SOX5: variants seen among roughly 807,000 people sequenced by gnomAD.
The protein encoded by SOX5 is transcription factor SOX-5.
Under a neutral mutation model 92.0 loss-of-function variants are expected in SOX5, and 9 were observed. That is an observed-to-expected ratio of 0.10 (90% confidence interval 0.06 to 0.17). The LOEUF (loss-of-function observed/expected upper bound fraction) is 0.17, where lower values mean the gene tolerates loss of function less well. SOX5 is among the 10% of genes least tolerant of loss of function. The pLI is 1.00. For synonymous variants in SOX5, 344 were observed against 336.3 expected (o/e 1.02, Z -0.25); for missense variants, 642 against 944.5 (o/e 0.68, Z 4.20).
At chr12:24,112,961 C>T (rs2138178691) in intron 4 of SOX5, among the ~76,000 whole-genome samples, 1 of 151,810 alleles carries the variant, frequency 6.6e-6, no homozygotes, top group East Asian at 1.9e-4. Context: ...AGACTGAAAG[C>T]CATAAAATAT....
At chr12:24,134,101 G>A (rs548556349) in intron 4 of SOX5, among the ~76,000 whole-genome samples, 2 of 152,034 alleles carry the variant, frequency 1.3e-5, no homozygotes, top group Middle Eastern at 3.4e-3. Flanking sequence ...TAAACATTCT[G>A]GTTGCAGACA....
At chr12:24,280,154 T>C (rs1351981209) in intron 2 of SOX5, among the ~76,000 whole-genome samples, 1 of 152,164 alleles carries the variant, frequency 6.6e-6, no homozygotes, top group Non-Finnish European at 1.5e-5. Context: ...CACCCTCTAC[T>C]TTAAAAAGGA....
At chr12:24,069,810 T>C (rs1232107252) in intron 4 of SOX5, among the ~76,000 whole-genome samples, 1 of 152,210 alleles carries the variant, frequency 6.6e-6, no homozygotes, top group Non-Finnish European at 1.5e-5. Context: ...ATGGTCCCCA[T>C]AGGCTATTTA....
intron 9 of SOX5, among the ~76,000 whole-genome samples, chr12:23,576,299 G>C (rs1057032347): frequency 5.3e-5 from 8 of 152,098 alleles, no homozygotes; most frequent in Non-Finnish European, 1.0e-4. Context: ...AGATAGTTGT[G>C]TGCCTCTGAT....
At chr12:24,174,617 T>A (rs1334830264) in intron 4 of SOX5, among the ~76,000 whole-genome samples, 1 of 151,406 alleles carries the variant, frequency 6.6e-6, no homozygotes, top group Non-Finnish European at 1.5e-5. Flanking sequence ...AGGTCAGGAG[T>A]TTGAGACCAG....
At chr12:24,238,345 C>A (rs1441507120) in intron 3 of SOX5, among the ~76,000 whole-genome samples, 1 of 152,226 alleles carries the variant, frequency 6.6e-6, no homozygotes, top group South Asian at 2.1e-4. Context: ...GCACTAGGCA[C>A]TTCACAAGAG....
intron 6 of SOX5, among the ~76,000 whole-genome samples, chr12:23,676,850 CCA>C (rs1467435014): frequency 1.3e-5 from 2 of 152,142 alleles, no homozygotes; most frequent in African/African-American, 4.8e-5. Flanking sequence ...TACAACTATA[CCA>C]TTAGGTTGAC....
intron 1 of SOX5, among the ~76,000 whole-genome samples, chr12:23,943,923 C>CA (rs1186511502): frequency 6.6e-6 from 1 of 151,878 alleles, no homozygotes; most frequent in African/African-American, 2.4e-5. Context: ...ACAAAAGAAA[C>CA]AAAAAACGCA....
At chr12:23,821,482 A>C (rs1381236776) in intron 3 of SOX5, among the ~76,000 whole-genome samples, 1 of 152,200 alleles carries the variant, frequency 6.6e-6, no homozygotes, top group Non-Finnish European at 1.5e-5. Context: ...GTGGAGAGAG[A>C]GGGCATCCTT....
At chr12:23,662,608 G>T (rs2083210954) in intron 7 of SOX5, among the ~76,000 whole-genome samples, 1 of 152,030 alleles carries the variant, frequency 6.6e-6, no homozygotes. Context: ...AAGAAAAAAC[G>T]ATCTTTATGT....
chr12:23,711,346 T>C lies in SOX5; in HGVS notation c.810+23338A>G, dbSNP rs945112495. 2.0e-5 allele frequency among the ~76,000 whole-genome samples: 3 copies of C among 152,328 alleles called. 1 individual carries two copies. Among genetic ancestry groups the C allele is most frequent in the South Asian group, 4.1e-4 (2 of 4,826 alleles). ...ACCGTCAATTAACATTTATCAAATATACCCTGTGGTTTTATTTTTGGCATA... is the reference window on the plus strand; with the variant it reads ...ACCGTCAATTAACATTTATCAAATACACCCTGTGGTTTTATTTTTGGCATA... On this transcript the variant is annotated intron_variant, in intron 6 of 14. Transcript: ENST00000451604.
chr12:23,977,176 A>T (rs895589036), intron 4 of SOX5, among the ~76,000 whole-genome samples: 2 of 152,204 alleles, frequency 1.3e-5, no homozygotes, highest in Non-Finnish European at 2.9e-5. Context: ...ACTCAAGATT[A>T]ATTTCTTTCA....
Position 24,446,223 on chromosome 12 carries a change from C to T in SOX5, c.-250-77584G>A, listed in dbSNP as rs181423421. Among the ~76,000 whole-genome samples the T allele has an allele frequency of 1.2e-3, 181 of 152,118 alleles. 2 individuals carry two copies. The Middle Eastern group carries it at 0.014, about 11-fold the overall frequency. ...ATAAATTATTAAGAAAAATAATCAT[C>T]CCATGATGATGATTGCTATAAAGAA... On this transcript the variant is annotated intron_variant, in intron 1 of 4. Coordinates refer to the SOX5 transcript ENST00000446891.
chr12:24,295,369 T>A (rs928941533), intron 2 of SOX5, among the ~76,000 whole-genome samples: 2 of 152,108 alleles, frequency 1.3e-5, no homozygotes, highest in Admixed American at 1.3e-4. Context: ...ACATAGAAAA[T>A]TAAGTTAAGA....
At chr12:24,543,343 A>G (rs903970747) in intron 1 of SOX5, among the ~76,000 whole-genome samples, 7 of 152,270 alleles carry the variant, frequency 4.6e-5, no homozygotes, top group African/African-American at 7.2e-5. Flanking sequence ...TGAATGAATA[A>G]GAAGTTAAGA....
intron 4 of SOX5, among the ~76,000 whole-genome samples, chr12:24,189,248 C>T (rs1483396782): frequency 2.6e-5 from 4 of 152,138 alleles, no homozygotes; most frequent in Non-Finnish European, 4.4e-5. Flanking sequence ...GGCCGTTCTC[C>T]AATACCTGAA....
intron 1 of SOX5, among the ~76,000 whole-genome samples, chr12:24,492,844 G>A (rs1201520428): frequency 6.6e-6 from 1 of 152,040 alleles, no homozygotes; most frequent in Non-Finnish European, 1.5e-5. Context: ...TTTTGAGTGT[G>A]TATTAAAATT....
At chr12:24,236,560 G>A (rs1046406922) in intron 3 of SOX5, among the ~76,000 whole-genome samples, 1 of 152,152 alleles carries the variant, frequency 6.6e-6, no homozygotes, top group Admixed American at 6.6e-5. Context: ...CCAGTCTTGG[G>A]CTGACTGATG....
chr12:24,306,236 T>G (rs1254371857), intron 2 of SOX5, among the ~76,000 whole-genome samples: 1 of 152,022 alleles, frequency 6.6e-6, no homozygotes, highest in African/African-American at 2.4e-5. Flanking sequence ...CAGGCACAAG[T>G]TGGGTGATGC....
Sources: allele counts gnomAD v4.1 joint callset (sites outside exome capture counted in the v4.1 genomes callset), GRCh38; gene constraint gnomAD v4.1.1; transcripts MANE v1.5; gene names NCBI Gene and HGNC (gene_info 2026-07-23, HGNC 2026-07-21).